Variants in THEMIS observed in about 807,000 individuals in gnomAD.
THEMIS encodes protein THEMIS.
A neutral mutation model predicts 52.6 loss-of-function variants in THEMIS; 37 were observed. That is an observed-to-expected ratio of 0.70 (90% confidence interval 0.54 to 0.93). The LOEUF (loss-of-function observed/expected upper bound fraction) is 0.93, where lower values mean the gene tolerates loss of function less well. Among genes scored for constraint, THEMIS ranks in the 40% least tolerant of loss-of-function variants. The pLI, the probability that THEMIS is intolerant of heterozygous loss-of-function variation, is 0.00. For synonymous variants in THEMIS, 292 were observed against 272.7 expected (o/e 1.07, Z -0.70); for missense variants, 808 against 763.1 (o/e 1.06, Z -0.69).
chr6:127,780,887 G>A (rs986363308), intron 4 of THEMIS, among the ~76,000 whole-genome samples: 4 of 151,996 alleles, frequency 2.6e-5, no homozygotes, highest in Admixed American at 2.0e-4. Flanking sequence ...TGCTCTTCTC[G>A]AGGAGTGTCT....
intron 4 of THEMIS, among the ~76,000 whole-genome samples, chr6:127,761,954 T>C (rs1776036316): frequency 6.6e-6 from 1 of 152,180 alleles, no homozygotes; most frequent in Non-Finnish European, 1.5e-5. Context: ...GGAGCACTTC[T>C]ATGTTCGTTG....
chr6:127,804,816 A>G (rs570960936), intron 4 of THEMIS, among the ~76,000 whole-genome samples: 15 of 152,286 alleles, frequency 9.8e-5, no homozygotes, highest in South Asian at 2.1e-4. Context: ...CTTTTAAGAC[A>G]TTAATTACAA....
At chr6:127,742,558 C>G (rs1359189624) in intron 4 of THEMIS, among the ~76,000 whole-genome samples, 1 of 151,984 alleles carries the variant, frequency 6.6e-6, no homozygotes, top group Non-Finnish European at 1.5e-5. Flanking sequence ...AAATATTTTA[C>G]ATAGATACAA....
intron 3 of THEMIS, among the ~76,000 whole-genome samples, chr6:127,823,061 C>T (rs1326158822): frequency 6.6e-6 from 1 of 152,078 alleles, no homozygotes; most frequent in Non-Finnish European, 1.5e-5. Context: ...ATTTAGCACA[C>T]ATAGATATTC....
chr6:127,900,800 A>G, intron 1 of THEMIS, 42 bp downstream of exon 1: 2 of 1,554,764 alleles, frequency 1.3e-6, no homozygotes, highest in South Asian at 1.1e-5. Context: ...TGTATACTTT[A>G]CAAGAATGTT....
intron 4 of THEMIS, among the ~76,000 whole-genome samples, chr6:127,759,403 A>G (rs981429478): frequency 2.6e-5 from 4 of 152,180 alleles, no homozygotes; most frequent in Admixed American, 1.3e-4. Flanking sequence ...AATATATTCA[A>G]CTACCCTCCA....
chr6:127,895,262 T>A (rs538796706), intron 1 of THEMIS, among the ~76,000 whole-genome samples: 17 of 151,396 alleles, frequency 1.1e-4, no homozygotes, highest in Admixed American at 2.6e-4. Context: ...TGACTAGGAA[T>A]AAGACAAGGA....
chr6:127,735,512 T>C (rs1477244176), intron 4 of THEMIS, among the ~76,000 whole-genome samples: 1 of 152,090 alleles, frequency 6.6e-6, no homozygotes, highest in African/African-American at 2.4e-5. Flanking sequence ...CATATTGGGG[T>C]TATATGTTTG....
chr6:127,842,684 A>G (rs1348149849), intron 2 of THEMIS, among the ~76,000 whole-genome samples: 1 of 151,948 alleles, frequency 6.6e-6, no homozygotes, highest in Non-Finnish European at 1.5e-5. Flanking sequence ...CTAGGATAGA[A>G]AAGTCTTTCT....
intron 5 of THEMIS, among the ~76,000 whole-genome samples, chr6:127,716,689 C>G (rs373882492): frequency 6.6e-6 from 1 of 151,906 alleles, no homozygotes; most frequent in African/African-American, 2.4e-5. Context: ...GTAAATCAAC[C>G]CAGGGAACTG....
At chr6:127,745,383 A>C (rs909679911) in intron 4 of THEMIS, among the ~76,000 whole-genome samples, 1 of 151,932 alleles carries the variant, frequency 6.6e-6, no homozygotes, top group African/African-American at 2.4e-5. Flanking sequence ...TGGTGAATTC[A>C]TAAGGTAGAT....
intron 3 of THEMIS, among the ~76,000 whole-genome samples, chr6:127,824,742 C>G (rs1778448093): frequency 6.6e-6 from 1 of 152,158 alleles, no homozygotes; most frequent in South Asian, 2.1e-4. Context: ...CGTGATCCGC[C>G]CGCCTCGGCC....
At chr6:127,781,724 G>A (rs1038920747) in intron 4 of THEMIS, among the ~76,000 whole-genome samples, 1 of 152,152 alleles carries the variant, frequency 6.6e-6, no homozygotes, top group Non-Finnish European at 1.5e-5. Context: ...ACCAGTGGAG[G>A]CTGCAGAACA....
intron 5 of THEMIS, among the ~76,000 whole-genome samples, chr6:127,715,563 A>G (rs1774126996): frequency 6.6e-6 from 1 of 152,052 alleles, no homozygotes; most frequent in Non-Finnish European, 1.5e-5. Context: ...GAAACTACTT[A>G]GGTTTTATTT....
At chr6:127,874,612 G>A (rs924303479) in intron 1 of THEMIS, among the ~76,000 whole-genome samples, 1 of 152,074 alleles carries the variant, frequency 6.6e-6, no homozygotes, top group East Asian at 1.9e-4. Flanking sequence ...GCATATAAGT[G>A]GACCCACAAA....
At chr6:127,800,910 C>G (rs1777510860) in intron 4 of THEMIS, among the ~76,000 whole-genome samples, 1 of 152,124 alleles carries the variant, frequency 6.6e-6, no homozygotes, top group Non-Finnish European at 1.5e-5. Flanking sequence ...GTAGAGAACC[C>G]TGACTAATAT....
At chr6:127,857,656 A>G (rs1021706435) in intron 1 of THEMIS, among the ~76,000 whole-genome samples, 1 of 152,068 alleles carries the variant, frequency 6.6e-6, no homozygotes, top group African/African-American at 2.4e-5. Context: ...TGTTTGCTAT[A>G]CAAACCTTGG....
intron 3 of THEMIS, among the ~76,000 whole-genome samples, chr6:127,825,304 C>T (rs1778470406): frequency 6.6e-6 from 1 of 152,146 alleles, no homozygotes; most frequent in African/African-American, 2.4e-5. Flanking sequence ...TGAAAACTGT[C>T]ATCACTAAGA....
intron 4 of THEMIS, among the ~76,000 whole-genome samples, chr6:127,808,703 C>T (rs1777800252): frequency 6.6e-6 from 1 of 152,126 alleles, no homozygotes; most frequent in Non-Finnish European, 1.5e-5. Context: ...GGTAACCATA[C>T]CCCCACTCGT....
Sources: allele counts gnomAD v4.1 joint callset (sites outside exome capture counted in the v4.1 genomes callset), GRCh38; gene constraint gnomAD v4.1.1; transcripts MANE v1.5; gene names NCBI Gene and HGNC (gene_info 2026-07-23, HGNC 2026-07-21).